The following CPNE4 variants were observed in gnomAD, a reference collection of about 807,000 sequenced individuals.
CPNE4 encodes the protein copine-4.
In CPNE4, 25 loss-of-function variants were observed where a neutral mutation model predicts 67.9. The observed-to-expected ratio is 0.37, with a 90% CI of 0.27 to 0.51. The LOEUF (loss-of-function observed/expected upper bound fraction) is 0.51, where lower values mean the gene tolerates loss of function less well. CPNE4 is among the 20% of genes least tolerant of loss of function. The pLI is 0.93. For missense variants in CPNE4, 464 were observed against 690.8 expected, an observed-to-expected ratio of 0.67 and a Z score of 3.68; for synonymous variants, 242 against 244.9, an observed-to-expected ratio of 0.99 and a Z score of 0.11.
intron 1 of CPNE4, among the ~76,000 whole-genome samples, chr3:131,934,864 A>G (rs1442315975): frequency 6.6e-6 from 1 of 152,198 alleles, no homozygotes; most frequent in Non-Finnish European, 1.5e-5. Context: ...TGCTTCTTCC[A>G]TTAATCATCA....
chr3:131,958,288 C>G (rs1369927290), intron 1 of CPNE4, among the ~76,000 whole-genome samples: 1 of 152,290 alleles, frequency 6.6e-6, no homozygotes, highest in South Asian at 2.1e-4. Context: ...CTTAGTGGAG[C>G]CAGTGTTTGA....
At chr3:131,927,616 C>G (rs575876773) in intron 1 of CPNE4, among the ~76,000 whole-genome samples, 1 of 152,174 alleles carries the variant, frequency 6.6e-6, no homozygotes, top group Non-Finnish European at 1.5e-5. Context: ...AGAAGCCAAT[C>G]AATTTTTGTT....
chr3:131,699,981 C>A lies in CPNE4; in HGVS notation c.361-1G>T. ...TGGACAGCTTTCTCTGGGAAACAAT[C>A]TGCAAAAAAGGAAACAAAAGGTAAC... On this transcript the variant is annotated splice_acceptor_variant, in intron 3 of 15. Coordinates refer to ENST00000429747, the MANE Select transcript of CPNE4 (RefSeq NM_130808.3). LOFTEE classifies it high-confidence loss of function. 6.3e-7 allele frequency: 1 copy of A among 1,587,094 alleles called. No homozygotes were observed. Among genetic ancestry groups the A allele is most frequent in the Non-Finnish European group, 8.6e-7 (1 of 1,164,272 alleles).
At chr3:131,549,915 T>G (rs1232522776) in intron 14 of CPNE4, 32 bp downstream of exon 14, 7 of 1,610,426 alleles carry the variant, frequency 4.3e-6, no homozygotes, top group Non-Finnish European at 5.1e-6. Flanking sequence ...AAGAGTAAGC[T>G]CCCCTTAGGA....
In CPNE4 at chr3:131,973,197, G is replaced by C. The variant is rs77106881; in HGVS notation, c.-2+61370C>G. ...CATCTTAAAAGATAATGAAACCTGA[G>C]TTTAAAGGAAGAAAAGAAAGGCTGG... On this transcript the variant is annotated intron_variant, in intron 1 of 15. Transcript: ENST00000429747. Among the ~76,000 whole-genome samples, 3 of 152,086 alleles carry C rather than the reference G, an allele frequency of 2.0e-5. No homozygotes were observed. In the East Asian group the frequency reaches 5.8e-4, roughly 29 times the overall value.
intron 2 of CPNE4, among the ~76,000 whole-genome samples, chr3:131,833,641 G>A (rs2085457879): frequency 6.6e-6 from 1 of 152,232 alleles, no homozygotes; most frequent in Non-Finnish European, 1.5e-5. Flanking sequence ...CAAGGCTACA[G>A]TGAGCCATGA....
chr3:131,801,367 T>G (rs558556507), intron 2 of CPNE4, among the ~76,000 whole-genome samples: 11 of 133,466 alleles, frequency 8.2e-5, no homozygotes, highest in African/African-American at 2.3e-4. Flanking sequence ...TATATATATA[T>G]GTACCATATA....
At chr3:131,854,592 A>G (rs2086363766) in intron 2 of CPNE4, among the ~76,000 whole-genome samples, 1 of 151,940 alleles carries the variant, frequency 6.6e-6, no homozygotes. Context: ...AAGAGGAAAA[A>G]TTCTATTTCA....
At chr3:131,546,740 C>T (rs1935861067) in intron 14 of CPNE4, among the ~76,000 whole-genome samples, 1 of 152,110 alleles carries the variant, frequency 6.6e-6, no homozygotes, top group Admixed American at 6.6e-5. Flanking sequence ...TAGTTCTGTT[C>T]TCTTTTTAGC....
At chr3:132,010,145 T>C (rs575597847) in intron 1 of CPNE4, among the ~76,000 whole-genome samples, 2 of 152,372 alleles carry the variant, frequency 1.3e-5, no homozygotes, top group African/African-American at 4.8e-5. Flanking sequence ...CAGAACTTTC[T>C]AGCTCTATGG....
chr3:131,704,530 T>A (rs528390225), intron 3 of CPNE4, among the ~76,000 whole-genome samples: 1 of 152,324 alleles, frequency 6.6e-6, no homozygotes, highest in Non-Finnish European at 1.5e-5. Context: ...CTGTTTTCTC[T>A]TTGCTATCTC....
intron 2 of CPNE4, among the ~76,000 whole-genome samples, chr3:131,894,018 A>C (rs1458428686): frequency 6.6e-6 from 1 of 151,990 alleles, no homozygotes; most frequent in Non-Finnish European, 1.5e-5. Context: ...AGATCAGTGA[A>C]ATGAAGTCAC....
chr3:131,916,230 T>C (rs2089177060), intron 1 of CPNE4, among the ~76,000 whole-genome samples: 1 of 152,070 alleles, frequency 6.6e-6, no homozygotes, highest in African/African-American at 2.4e-5. Context: ...CAAATCTTAG[T>C]CTTCTTTTGT....
intron 2 of CPNE4, among the ~76,000 whole-genome samples, chr3:131,825,979 C>CCAAA (rs2085144025): frequency 6.6e-6 from 1 of 152,170 alleles, no homozygotes; most frequent in Non-Finnish European, 1.5e-5. Context: ...TTCCTTATAT[C>CCAAA]AGGTCACTCA....
chr3:131,875,692 G>C (rs375936252), intron 2 of CPNE4, among the ~76,000 whole-genome samples: 4 of 140,476 alleles, frequency 2.8e-5, no homozygotes, highest in African/African-American at 1.0e-4. Flanking sequence ...GGGGTGGGGG[G>C]AGGGGGGAGG....
At chr3:131,772,909 A>T (rs976915430) in intron 2 of CPNE4, among the ~76,000 whole-genome samples, 6 of 152,140 alleles carry the variant, frequency 3.9e-5, no homozygotes, top group African/African-American at 1.4e-4. Context: ...ACAGACACCC[A>T]TGGGAGACAG....
At chr3:131,549,671 AT>A (rs1559879986) in intron 14 of CPNE4, among the ~76,000 whole-genome samples, 1 of 152,078 alleles carries the variant, frequency 6.6e-6, no homozygotes, top group African/African-American at 2.4e-5. Context: ...TTTAGTGAAT[AT>A]AGTAGCTTCC....
At chr3:131,617,972 C>G (rs1261133863) in intron 7 of CPNE4, among the ~76,000 whole-genome samples, 1 of 152,194 alleles carries the variant, frequency 6.6e-6, no homozygotes, top group Non-Finnish European at 1.5e-5. Flanking sequence ...AGATGTGTGA[C>G]AGATACTGTG....
chr3:131,936,378 T>A (rs185108561), intron 1 of CPNE4, among the ~76,000 whole-genome samples: 1 of 151,976 alleles, frequency 6.6e-6, no homozygotes, highest in African/African-American at 2.4e-5. Flanking sequence ...GGGGGTGGGG[T>A]GGGCAGAGCT....
Sources: allele counts gnomAD v4.1 joint callset (sites outside exome capture counted in the v4.1 genomes callset), GRCh38; gene constraint gnomAD v4.1.1; transcripts MANE v1.5; gene names NCBI Gene and HGNC (gene_info 2026-07-23, HGNC 2026-07-21).